ZNF133: variants seen among roughly 807,000 people sequenced by gnomAD.
The protein encoded by ZNF133 is zinc finger protein 133, also known as zinc finger protein 133 (clone pHZ-13).
In ZNF133, 26 loss-of-function variants were observed where a neutral mutation model predicts 54.9. The ratio of observed to expected loss-of-function variants is 0.47; its 90% CI spans 0.35 to 0.66. ZNF133 has a LOEUF of 0.66. Among genes scored for constraint, ZNF133 ranks in the 30% least tolerant of loss-of-function variants. The pLI is 0.01. For synonymous variants in ZNF133, 298 were observed against 320.3 expected, an observed-to-expected ratio of 0.93 and a Z score of 0.74; for missense variants, 653 against 820.8, an observed-to-expected ratio of 0.80 and a Z score of 2.50.
Position 18,298,415 on chromosome 20 carries a change from T to C in ZNF133, c.-227T>C. ...ATCAGGTGTACCTATTTTGGAACTC[T>C]GGAGTCTAGTTGAAGGCCTCCAGTT... On this transcript the variant is annotated 5_prime_UTR_variant, in exon 3 of 7. Transcript: ENST00000425686. 1 of 964,088 alleles carries C rather than the reference T, an allele frequency of 1.0e-6. No homozygotes were observed. The highest frequency in any genetic ancestry group is 1.3e-6 in the Non-Finnish European group (1 of 783,508). 59.7% of individuals were successfully genotyped at this position (964,088 alleles called of 1,614,324 possible). A position where few individuals can be genotyped will look rare whatever the true frequency, so the allele number is the denominator to read the frequency against.
intron 1 of ZNF133, among the ~76,000 whole-genome samples, chr20:18,295,856 G>T (rs2042132010): frequency 6.6e-6 from 1 of 151,952 alleles, no homozygotes; most frequent in Non-Finnish European, 1.5e-5. Context: ...TAGAGATGAG[G>T]TCTCACCATG....
chr20:18,307,248 C>T (rs1000293319), intron 6 of ZNF133, among the ~76,000 whole-genome samples: 106 of 152,086 alleles, frequency 7.0e-4, no homozygotes, highest in Non-Finnish European at 8.5e-4. Context: ...GTTTGAAAAT[C>T]CGAGTTTACC....
Position 18,315,211 on chromosome 20 carries a change from G to A in ZNF133, c.360G>A (p.Gly120=). The change falls in exon 7 of 7, where the codon GGG becomes GGA. Residue 120 remains glycine (G), a synonymous_variant. Coordinates refer to ENST00000425686, the MANE Select transcript of ZNF133 (RefSeq NM_001352452.2). The stretch of plus-strand genomic sequence containing the variant: ...GTGCAGAAGGTAACATCCAGCCTGG[G>A]GATCCGGGCCCAGGGGACCAGGAGA... ...CLCAEGNIQP[G]DPGPGDQEKQ... 6.2e-7 allele frequency: 1 copy of A among 1,614,048 alleles called. No homozygotes were observed. The highest frequency in any genetic ancestry group is 1.1e-5 in the South Asian group (1 of 91,078).
At chr20:18,295,069 TC>T (rs929749248) in intron 1 of ZNF133, 11 of 152,230 alleles carry the variant, frequency 7.2e-5, no homozygotes, top group Admixed American at 4.6e-4. Context: ...TGATAGAATT[TC>T]CTTGTGACCA....
chr20:18,314,501 A>G (rs558082031), intron 6 of ZNF133: 1 of 152,370 alleles, frequency 6.6e-6, no homozygotes, highest in African/African-American at 2.4e-5. Flanking sequence ...AAATTCTGGC[A>G]TAGAGTAATC....
intron 3 of ZNF133, among the ~76,000 whole-genome samples, chr20:18,299,447 G>T (rs575849727): frequency 5.2e-4 from 79 of 152,262 alleles, no homozygotes; most frequent in African/African-American, 1.9e-3. Context: ...AGGGAACTAT[G>T]GGATACTATC....
intron 6 of ZNF133, among the ~76,000 whole-genome samples, chr20:18,311,716 C>A (rs75491814): frequency 0.014 from 2,142 of 152,102 alleles, 49 homozygotes; most frequent in African/African-American, 0.048. Flanking sequence ...ATAATGATTT[C>A]CTAACAGAGA....
At chr20:18,293,360 G>A (rs1175992827) in intron 1 of ZNF133, among the ~76,000 whole-genome samples, 1 of 152,216 alleles carries the variant, frequency 6.6e-6, no homozygotes, top group Non-Finnish European at 1.5e-5. Flanking sequence ...TCGTGGGTTG[G>A]CTGGAAGGCT....
At chr20:18,299,652 T>C (rs1488057172) in intron 3 of ZNF133, among the ~76,000 whole-genome samples, 1 of 151,890 alleles carries the variant, frequency 6.6e-6, no homozygotes, top group Non-Finnish European at 1.5e-5. Context: ...AATCAAAGCA[T>C]CAAAAGCCAA....
At chr20:18,291,549 C>G (rs1367778971) in intron 1 of ZNF133, among the ~76,000 whole-genome samples, 1 of 152,092 alleles carries the variant, frequency 6.6e-6, no homozygotes, top group Non-Finnish European at 1.5e-5. Context: ...GGCCCTGCTT[C>G]AGTTCTTAGA....
rs746917556 is a variant in ZNF133, at chr20:18,315,740, C to T, written c.889C>T (p.Pro297Ser). The T allele has an allele frequency of 1.2e-6, 2 of 1,614,042 alleles. No individual in the cohort carries two copies. Among genetic ancestry groups the T allele is most frequent in the Non-Finnish European group, 1.7e-6 (2 of 1,179,978 alleles). The change falls in exon 7 of 7, where the codon CCT becomes TCT. Residue 297 changes from proline (P) to serine (S), a missense_variant. Coordinates refer to ENST00000425686, the MANE Select transcript of ZNF133 (RefSeq NM_001352452.2). ...CGAACGGACACACTCCGGTGAGAAA[C>T]CTTACATGTGCAGTGAGTGTGGGCG... ...IHERTHSGEK[P>S]YMCSECGRGF...
At chr20:18,301,956 C>G (rs1165999153) in intron 3 of ZNF133, among the ~76,000 whole-genome samples, 1 of 152,074 alleles carries the variant, frequency 6.6e-6, no homozygotes, top group Non-Finnish European at 1.5e-5. Flanking sequence ...GACAAAGACA[C>G]TACAAGAAAA....
intron 6 of ZNF133, chr20:18,310,124 A>T (rs2045541792): frequency 7.6e-7 from 1 of 1,307,542 alleles, no homozygotes; most frequent in African/African-American, 1.5e-5. Flanking sequence ...TTAAAGCGAA[A>T]CCTATCTTTT....
chr20:18,306,780 C>A, intron 6 of ZNF133: 4 of 1,283,598 alleles, frequency 3.1e-6, no homozygotes, highest in South Asian at 1.4e-5. Context: ...ATCTAAAAAG[C>A]CAATAGAGAA....
chr20:18,315,575 T>C lies in ZNF133; in HGVS notation c.724T>C (p.Tyr242His). Residue 242 changes from tyrosine (Y) to histidine (H), a missense_variant, in exon 7 of 7, where the codon TAC becomes CAC. This residue lies in a region of ZNF133 where 292 missense variants were observed against 431.6 expected (regional missense o/e 0.68). Coordinates refer to ENST00000425686, the MANE Select transcript of ZNF133 (RefSeq NM_001352452.2). ...GCGGATACACTCAGGGGAGAAGCCCTACGTGTGTGGGGTATGTGAGAAGGG... is the reference window on the plus strand; with the variant it reads ...GCGGATACACTCAGGGGAGAAGCCCCACGTGTGTGGGGTATGTGAGAAGGG... ...HQRIHSGEKPYVCGVCEKGFS... is the reference protein window; with the variant it reads ...HQRIHSGEKPHVCGVCEKGFS... 3 of 1,613,992 alleles carry C rather than the reference T, an allele frequency of 1.9e-6. No homozygotes were observed. The highest frequency in any genetic ancestry group is 2.5e-6 in the Non-Finnish European group (3 of 1,179,974).
chr20:18,297,526 A>AT lies in ZNF133; in HGVS notation c.-431-449dup, dbSNP rs371150448. ...TTTTAAATTTTTTTTCTGTCTCACCATTTTTTTTTTGGTGGAATTTTCTTT... is the reference window on the plus strand; with the variant it reads ...TTTTAAATTTTTTTTCTGTCTCACCATTTTTTTTTTTGGTGGAATTTTCTTT... On this transcript the variant is annotated intron_variant, in intron 1 of 6. Coordinates refer to ENST00000425686, the MANE Select transcript of ZNF133 (RefSeq NM_001352452.2). Among the ~76,000 whole-genome samples, 430 of 142,932 alleles carry AT rather than the reference A, an allele frequency of 3.0e-3. 1 individual carries two copies. The highest frequency in any genetic ancestry group is 4.4e-3 in the Non-Finnish European group (285 of 65,014). 93.8% of individuals were successfully genotyped at this position (142,932 alleles called of 152,430 possible). A position where few individuals can be genotyped will look rare whatever the true frequency, so the allele number is the denominator to read the frequency against.
chr20:18,315,912 T>C lies in ZNF133; in HGVS notation c.1061T>C (p.Ile354Thr). The change falls in exon 7 of 7, where the codon ATC becomes ACC. Residue 354 changes from isoleucine (I) to threonine (T), a missense_variant. Transcript: ENST00000425686. ...AGGACACACTTGGAGGAGAAGACCA[T>C]CGTGTGCAGTGACTGTGGCCTGGGC... ...HQRTHLEEKT[I>T]VCSDCGLGFS... 1 of 1,612,750 alleles carries C rather than the reference T, an allele frequency of 6.2e-7. No individual in the cohort carries two copies. The highest frequency in any genetic ancestry group is 8.5e-7 in the Non-Finnish European group (1 of 1,179,694).
At position 18,307,893 on chromosome 20, in the gene ZNF133, A is replaced by G. The variant is rs1304535009; in HGVS notation, c.217+1500A>G. 3.9e-5 allele frequency among the ~76,000 whole-genome samples: 6 copies of G among 152,134 alleles called. No homozygotes were observed. The East Asian group carries it at 1.2e-3, about 29-fold the overall frequency. On this transcript the variant is annotated intron_variant, in intron 6 of 6. Coordinates refer to ENST00000425686, the MANE Select transcript of ZNF133 (RefSeq NM_001352452.2). ...ATTTCCTATCTGTTCACTAATTATAATTAAATTTTACTTTATCTTCTTTAA... is the reference window on the plus strand; with the variant it reads ...ATTTCCTATCTGTTCACTAATTATAGTTAAATTTTACTTTATCTTCTTTAA...
chr20:18,302,181 A>AC (rs879317648), intron 3 of ZNF133, among the ~76,000 whole-genome samples: 3 of 152,106 alleles, frequency 2.0e-5, no homozygotes, highest in Non-Finnish European at 4.4e-5. Context: ...TTGGTGGATC[A>AC]CCTGAGGTCA....
Sources: gnomAD v4.1 joint callset for allele counts (sites outside exome capture counted in the v4.1 genomes callset) on GRCh38, gnomAD v4.1.1 for gene constraint, gnomAD v4.1.1 regional missense constraint, MANE v1.5 for transcripts, NCBI Gene and HGNC (gene_info 2026-07-23, HGNC 2026-07-21) for gene names.